Variants in CDCA7L observed in about 807,000 individuals in gnomAD.
CDCA7L encodes cell division cycle-associated 7-like protein.
A neutral mutation model predicts 57.4 loss-of-function variants in CDCA7L; 44 were observed. The observed-to-expected ratio is 0.77, with a 90% CI of 0.60 to 0.98. The LOEUF (loss-of-function observed/expected upper bound fraction) is 0.98. Ranked by LOEUF, CDCA7L falls within the 50% of genes least tolerant of loss-of-function variation. CDCA7L has a pLI of 0.00. For missense variants in CDCA7L, 644 were observed against 580.6 expected, an observed-to-expected ratio of 1.11 and a Z score of -1.12; for synonymous variants, 236 against 202.8, an observed-to-expected ratio of 1.16 and a Z score of -1.39.
At chr7:21,926,528 G>A (rs1785833128) in intron 1 of CDCA7L, among the ~76,000 whole-genome samples, 1 of 152,076 alleles carries the variant, frequency 6.6e-6, no homozygotes. Context: ...TGACAAACAA[G>A]TACATAAAAA....
At position 21,901,339 on chromosome 7, in the gene CDCA7L, T is replaced by TCTAACTTTTTA. The variant is rs2128053750; in HGVS notation, c.*972_*982dup. 1 of 1,414,478 alleles carries TCTAACTTTTTA rather than the reference T, an allele frequency of 7.1e-7. No individual in the cohort carries two copies. Among genetic ancestry groups the TCTAACTTTTTA allele is most frequent in the Non-Finnish European group, 9.3e-7 (1 of 1,076,014 alleles). 87.6% of individuals were successfully genotyped at this position (1,414,478 alleles called of 1,614,324 possible). ...GCTGCACTGTTCCCATGCACATTAT[T>TCTAACTTTTTA]CTAACTTTTTAGTAACTCACACGTG... On this transcript the variant is annotated 3_prime_UTR_variant, in exon 10 of 10. Transcript: ENST00000406877.
At chr7:21,904,689 C>T (rs184987090) in intron 7 of CDCA7L, among the ~76,000 whole-genome samples, 1 of 152,310 alleles carries the variant, frequency 6.6e-6, no homozygotes, top group Non-Finnish European at 1.5e-5. Context: ...TTCCTGCCCC[C>T]CAAATCCATG....
chr7:21,944,203 C>A (rs144271374), intron 1 of CDCA7L, among the ~76,000 whole-genome samples: 3,700 of 151,388 alleles, frequency 0.024, 67 homozygotes, highest in South Asian at 0.044. Flanking sequence ...CTTTGGGAGG[C>A]CGAGGCAGGT....
Position 21,901,197 on chromosome 7 carries a change from C to T in CDCA7L, c.*1125G>A, listed in dbSNP as rs368269718. 328 of 1,613,566 alleles carry T rather than the reference C, an allele frequency of 2.0e-4. No homozygotes were observed. The highest frequency in any genetic ancestry group is 2.9e-4 in the South Asian group (26 of 90,984). On this transcript the variant is annotated 3_prime_UTR_variant, in exon 10 of 10. Transcript: ENST00000406877. The stretch of plus-strand genomic sequence containing the variant: ...ACATCTGGACCTTCAGGCTGAAGAG[C>T]GAAGAGAAGACTGCAAAATGGGTTC...
chr7:21,915,032 T>A (rs1296649348), intron 2 of CDCA7L, among the ~76,000 whole-genome samples: 1 of 152,124 alleles, frequency 6.6e-6, no homozygotes, highest in African/African-American at 2.4e-5. Context: ...TGTGCTCAGA[T>A]GGAGGGCTAA....
chr7:21,941,076 C>T lies in CDCA7L; in HGVS notation c.24+4705G>A, dbSNP rs192841755. 2.6e-5 allele frequency among the ~76,000 whole-genome samples: 4 copies of T among 152,204 alleles called. No individual in the cohort carries two copies. The East Asian group carries it at 5.8e-4, about 22-fold the overall frequency. ...AAACAATGTGTCAGAGGCTCCTAAC[C>T]ATTGAAAATCAGGCACATTCCCTTT... On this transcript the variant is annotated intron_variant, in intron 1 of 9. Coordinates refer to ENST00000406877, the MANE Select transcript of CDCA7L (RefSeq NM_018719.5).
chr7:21,930,680 A>G (rs1785979356), intron 1 of CDCA7L, among the ~76,000 whole-genome samples: 1 of 141,254 alleles, frequency 7.1e-6, no homozygotes, highest in African/African-American at 2.7e-5. Flanking sequence ...CCCCGGCAAC[A>G]GTGCAAGACT....
At chr7:21,945,050 T>C (rs533121045) in intron 1 of CDCA7L, among the ~76,000 whole-genome samples, 19 of 152,264 alleles carry the variant, frequency 1.2e-4, no homozygotes, top group Middle Eastern at 3.4e-3. Context: ...GAAAAGCTCT[T>C]TTAAGAAGTA....
At chr7:21,941,525 A>G (rs979382942) in intron 1 of CDCA7L, among the ~76,000 whole-genome samples, 1 of 152,236 alleles carries the variant, frequency 6.6e-6, no homozygotes, top group Non-Finnish European at 1.5e-5. Flanking sequence ...AGTCATTCCT[A>G]TGTAAAAGCT....
chr7:21,909,649 G>A (rs1785251783), intron 3 of CDCA7L, among the ~76,000 whole-genome samples: 1 of 152,152 alleles, frequency 6.6e-6, no homozygotes, highest in African/African-American at 2.4e-5. Flanking sequence ...AATAGCTTCA[G>A]AATTCAAAAT....
chr7:21,932,753 A>G (rs902514554), intron 1 of CDCA7L, among the ~76,000 whole-genome samples: 3 of 152,234 alleles, frequency 2.0e-5, no homozygotes, highest in Non-Finnish European at 4.4e-5. Context: ...CAAGGACTTC[A>G]TGACTAAAAC....
At chr7:21,904,773 C>T (rs1785085357) in intron 7 of CDCA7L, among the ~76,000 whole-genome samples, 2 of 147,940 alleles carry the variant, frequency 1.4e-5, no homozygotes, top group South Asian at 4.4e-4. Context: ...ATGTAACCAT[C>T]ACAGGTCTGT....
At chr7:21,906,662 G>T in intron 4 of CDCA7L, 23 bp from the exon 5 acceptor site, 2 of 1,612,298 alleles carry the variant, frequency 1.2e-6, no homozygotes, top group South Asian at 1.1e-5. Flanking sequence ...ACAAAAGAAA[G>T]AATCTTACAA....
At chr7:21,905,812 A>G in intron 6 of CDCA7L, 181 bp from the exon 7 acceptor site, 1 of 640,256 alleles carries the variant, frequency 1.6e-6, no homozygotes, top group South Asian at 2.8e-5. Flanking sequence ...CTTCCTTCTC[A>G]GCAAGGCGAT....
chr7:21,911,123 G>A (rs942330984), intron 3 of CDCA7L, among the ~76,000 whole-genome samples: 8 of 134,896 alleles, frequency 5.9e-5, no homozygotes, highest in South Asian at 2.5e-4. Flanking sequence ...TCTGCCTCCC[G>A]GCTTCAAGAA....
Position 21,905,629 on chromosome 7 carries a change from C to G in CDCA7L, c.924G>C (p.Gly308=). 6.2e-7 allele frequency: 1 copy of G among 1,613,430 alleles called. No individual in the cohort carries two copies. The change falls in exon 7 of 10, where the codon GGG becomes GGC. Residue 308 remains glycine, a splice_region_variant and synonymous_variant. Transcript: ENST00000406877. ...YSFRRRKTIG[G]KCREYRRRHR... is the part of the protein sequence containing the mutation. The stretch of plus-strand genomic sequence containing the variant: ...GACGTCGTCTGTACTCCCGGCATTT[C>G]CCCTGCACAATGAACACAAGCAGAA...
chr7:21,904,621 A>G (rs6976370), intron 7 of CDCA7L, among the ~76,000 whole-genome samples: 60,667 of 152,080 alleles, frequency 0.4, 13,319 homozygotes, highest in Non-Finnish European at 0.5. Flanking sequence ...TGCACCCTTT[A>G]TAAGAATCTA....
rs769506306 is a variant in CDCA7L, at chr7:21,902,967, G to A, written c.1334+11C>T. The stretch of plus-strand genomic sequence containing the variant: ...TCAAGCTGTTTTGTAAGCTGCTAGA[G>A]ACTTACTTACCTCTCCAGATATTCC... On this transcript the variant is annotated intron_variant, in intron 9 of 9. Coordinates refer to ENST00000406877, the MANE Select transcript of CDCA7L (RefSeq NM_018719.5). 1.2e-6 allele frequency: 2 copies of A among 1,612,224 alleles called. No individual in the cohort carries two copies. The highest frequency in any genetic ancestry group is 1.7e-6 in the Non-Finnish European group (2 of 1,178,758).
At chr7:21,940,080 C>T (rs1786293236) in intron 1 of CDCA7L, among the ~76,000 whole-genome samples, 1 of 152,038 alleles carries the variant, frequency 6.6e-6, no homozygotes, top group African/African-American at 2.4e-5. Context: ...GATAGAGCTA[C>T]CACTCTGCAG....
Sources: allele counts gnomAD v4.1 joint callset (sites outside exome capture counted in the v4.1 genomes callset), GRCh38; gene constraint gnomAD v4.1.1; transcripts MANE v1.5; gene names NCBI Gene and HGNC (gene_info 2026-07-23, HGNC 2026-07-21).